The following PDE1A variants were observed in gnomAD, a reference collection of about 807,000 sequenced individuals.
PDE1A encodes the protein phosphodiesterase 1A.
Under a neutral mutation model 61.7 loss-of-function variants are expected in PDE1A, and 35 were observed. The observed-to-expected ratio is 0.57, with a 90% CI of 0.43 to 0.75. PDE1A has a LOEUF of 0.75. Ranked by LOEUF, PDE1A falls within the 30% of genes least tolerant of loss-of-function variation. PDE1A has a pLI of 0.00. For missense variants in PDE1A, 597 were observed against 630.6 expected (o/e 0.95, Z 0.57); for synonymous variants, 232 against 213.2 (o/e 1.09, Z -0.77).
the PDE1A span, among the ~76,000 whole-genome samples, chr2:182,571,914 A>T: frequency 2.0e-5 from 3 of 152,148 alleles, no homozygotes; most frequent in African/African-American, 7.2e-5. Context: ...CTCTATGTTC[A>T]CTTCCTAAGA....
intron 2 of PDE1A, among the ~76,000 whole-genome samples, chr2:182,500,411 T>C: frequency 6.6e-6 from 1 of 151,992 alleles, no homozygotes; most frequent in East Asian, 1.9e-4. Flanking sequence ...TTAAAATAGA[T>C]AAATCAAAAA....
At chr2:182,453,772 A>C (rs1466977481) in intron 2 of PDE1A, among the ~76,000 whole-genome samples, 1 of 152,176 alleles carries the variant, frequency 6.6e-6, no homozygotes, top group Non-Finnish European at 1.5e-5. Flanking sequence ...GTATCTCAAA[A>C]TAATAAGAGC....
At chr2:182,681,383 T>C in the PDE1A span, among the ~76,000 whole-genome samples, 2 of 152,046 alleles carry the variant, frequency 1.3e-5, no homozygotes, top group African/African-American at 4.8e-5. Flanking sequence ...TCAGAGTTCA[T>C]TGCACCCTCA....
intron 13 of PDE1A, among the ~76,000 whole-genome samples, chr2:182,153,014 T>C (rs1201564987): frequency 1.3e-5 from 2 of 152,102 alleles, no homozygotes; most frequent in Admixed American, 6.5e-5. Flanking sequence ...TTGAGGAAAA[T>C]ACAACAATTT....
At chr2:182,588,783 C>T in the PDE1A span, among the ~76,000 whole-genome samples, 2 of 152,050 alleles carry the variant, frequency 1.3e-5, no homozygotes, top group Non-Finnish European at 2.9e-5. Context: ...ATGGCTCACG[C>T]CTGTAATCCC....
chr2:182,422,987 G>A (rs1009937748), intron 1 of PDE1A, among the ~76,000 whole-genome samples: 15 of 152,224 alleles, frequency 9.9e-5, no homozygotes, highest in Admixed American at 2.6e-4. Flanking sequence ...AAGGAGCATC[G>A]TGTTTTCTCA....
intron 1 of PDE1A, among the ~76,000 whole-genome samples, chr2:182,364,245 C>T (rs982779986): frequency 1.3e-5 from 2 of 151,766 alleles, no homozygotes; most frequent in Admixed American, 1.3e-4. Flanking sequence ...CCAGGCAGGG[C>T]ATATTAAGCA....
At chr2:182,297,860 A>G (rs1375508839) in intron 1 of PDE1A, among the ~76,000 whole-genome samples, 1 of 152,186 alleles carries the variant, frequency 6.6e-6, no homozygotes, top group Non-Finnish European at 1.5e-5. Context: ...ACTGTTTCCT[A>G]GAGTTCCCCA....
intron 10 of PDE1A, among the ~76,000 whole-genome samples, chr2:182,191,192 G>A (rs1272832873): frequency 1.3e-5 from 2 of 152,042 alleles, no homozygotes; most frequent in African/African-American, 4.8e-5. Context: ...TAGTTTGTCT[G>A]CAGTATGAGA....
At chr2:182,267,858 C>T (rs1396002532) in intron 1 of PDE1A, among the ~76,000 whole-genome samples, 2 of 151,876 alleles carry the variant, frequency 1.3e-5, no homozygotes, top group Non-Finnish European at 2.9e-5. Flanking sequence ...TGGTGGGTTC[C>T]AAAGTGTTAA....
chr2:182,691,480 T>C, the PDE1A span, among the ~76,000 whole-genome samples: 1 of 152,174 alleles, frequency 6.6e-6, no homozygotes, highest in African/African-American at 2.4e-5. Context: ...TAGCCATATG[T>C]AGAAAGCTGA....
intron 2 of PDE1A, chr2:182,463,503 C>G (rs557793436): frequency 1.3e-5 from 2 of 152,206 alleles, no homozygotes; most frequent in African/African-American, 4.8e-5. Flanking sequence ...ATTTATGCTG[C>G]ATTGTACTTC....
At chr2:182,436,079 C>A (rs1684386639) in intron 2 of PDE1A, among the ~76,000 whole-genome samples, 1 of 151,916 alleles carries the variant, frequency 6.6e-6, no homozygotes. Flanking sequence ...GTAAATAATC[C>A]AAATGTATAG....
upstream of PDE1A, among the ~76,000 whole-genome samples, chr2:182,523,345 C>A (rs1005246644): frequency 1.3e-5 from 2 of 151,918 alleles, no homozygotes; most frequent in Non-Finnish European, 2.9e-5. Flanking sequence ...TGATGGTTTG[C>A]GGCTTGTGCA....
At chr2:182,402,155 G>A (rs965694805) in intron 1 of PDE1A, among the ~76,000 whole-genome samples, 1 of 152,020 alleles carries the variant, frequency 6.6e-6, no homozygotes, top group Non-Finnish European at 1.5e-5. Context: ...ACTTTCTTCA[G>A]AGAGTTAGAA....
At chr2:182,292,044 T>TATGATCTATAAAAGTGTATTGC in intron 1 of PDE1A, among the ~76,000 whole-genome samples, 1 of 152,216 alleles carries the variant, frequency 6.6e-6, no homozygotes, top group Non-Finnish European at 1.5e-5. Context: ...AGTAGTATAG[T>TATGATCTATAAAAGTGTATTGC]ATGATCTATA....
At chr2:182,699,969 G>A in the PDE1A span, among the ~76,000 whole-genome samples, 2 of 152,136 alleles carry the variant, frequency 1.3e-5, no homozygotes, top group African/African-American at 4.8e-5. Context: ...GGCTCAGCTG[G>A]CTACTGGTGC....
intron 1 of PDE1A, among the ~76,000 whole-genome samples, chr2:182,286,384 C>T (rs1185807834): frequency 6.6e-6 from 1 of 152,048 alleles, no homozygotes; most frequent in East Asian, 1.9e-4. Flanking sequence ...TGTTCATCAC[C>T]TTTCCTTCAT....
At chr2:182,531,201 G>A in the PDE1A span, among the ~76,000 whole-genome samples, 2 of 151,268 alleles carry the variant, frequency 1.3e-5, no homozygotes, top group Non-Finnish European at 1.5e-5. Flanking sequence ...TAACCGATAG[G>A]AAGACAAAAG....
Sources: gnomAD v4.1 joint callset for allele counts (sites outside exome capture counted in the v4.1 genomes callset) on GRCh38, gnomAD v4.1.1 for gene constraint, MANE v1.5 for transcripts, NCBI Gene and HGNC (gene_info 2026-07-23, HGNC 2026-07-21) for gene names.